SPECC1: variants seen among roughly 807,000 people sequenced by gnomAD.
The protein encoded by SPECC1 is cytospin-B.
A neutral mutation model predicts 104.1 loss-of-function variants in SPECC1; 62 were observed. The ratio of observed to expected loss-of-function variants is 0.60; its 90% confidence interval spans 0.49 to 0.74. SPECC1 has a LOEUF of 0.74. Ranked by LOEUF, SPECC1 falls within the 30% of genes least tolerant of loss-of-function variation. The pLI is 0.00. For synonymous variants in SPECC1, 513 were observed against 501.6 expected (o/e 1.02, Z -0.30); for missense variants, 1,306 against 1,310.5 (o/e 1.00, Z 0.05).
chr17:20,206,770 C>G (rs1437190514), intron 4 of SPECC1, among the ~76,000 whole-genome samples: 1 of 152,208 alleles, frequency 6.6e-6, no homozygotes, highest in Non-Finnish European at 1.5e-5. Flanking sequence ...TCAACACATT[C>G]AGCCAGATTG....
chr17:20,283,223 G>C (rs2040834134), intron 12 of SPECC1, among the ~76,000 whole-genome samples: 1 of 152,124 alleles, frequency 6.6e-6, no homozygotes, highest in African/African-American at 2.4e-5. Context: ...GCAATAATAT[G>C]AACAGGAGCA....
intron 12 of SPECC1, among the ~76,000 whole-genome samples, chr17:20,285,707 C>G (rs761849816): frequency 6.6e-6 from 1 of 152,008 alleles, no homozygotes; most frequent in Non-Finnish European, 1.5e-5. Context: ...CACACTCTAG[C>G]CCCTTAAGAC....
intron 11 of SPECC1, 123 bp downstream of exon 11, chr17:20,257,730 A>G: frequency 7.7e-7 from 1 of 1,302,870 alleles, no homozygotes; most frequent in Non-Finnish European, 1.1e-6. Context: ...AAAATGACTA[A>G]GACACTGTGC....
intron 3 of SPECC1, among the ~76,000 whole-genome samples, chr17:20,110,807 G>A (rs1259894308): frequency 1.3e-5 from 2 of 152,072 alleles, no homozygotes; most frequent in African/African-American, 4.8e-5. Flanking sequence ...CCCTTCGGAG[G>A]TCCATTTGTC....
chr17:20,098,970 C>G (rs1275596863), intron 2 of SPECC1, among the ~76,000 whole-genome samples: 3 of 152,140 alleles, frequency 2.0e-5, no homozygotes, highest in African/African-American at 2.4e-5. Context: ...TTCTGGCGGT[C>G]TGATGGAACA....
intron 3 of SPECC1, chr17:20,156,162 G>A (rs780767220): frequency 6.1e-5 from 88 of 1,435,744 alleles, no homozygotes; most frequent in Non-Finnish European, 6.9e-5. Flanking sequence ...CCGGTCCGAG[G>A]CCGGCAAGCC....
intron 3 of SPECC1, among the ~76,000 whole-genome samples, chr17:20,137,722 G>A (rs1387120129): frequency 6.6e-6 from 1 of 152,022 alleles, no homozygotes; most frequent in Non-Finnish European, 1.5e-5. Context: ...CTGGAGTGCA[G>A]TGGCACAATC....
intron 1 of SPECC1, among the ~76,000 whole-genome samples, chr17:20,084,886 G>A (rs902889880): frequency 1.3e-5 from 2 of 152,102 alleles, no homozygotes; most frequent in African/African-American, 4.8e-5. Context: ...GGTGGGGGTG[G>A]GAGTCACACA....
At chr17:20,295,859 A>G (rs1275886258) in intron 12 of SPECC1, among the ~76,000 whole-genome samples, 1 of 151,944 alleles carries the variant, frequency 6.6e-6, no homozygotes, top group Non-Finnish European at 1.5e-5. Flanking sequence ...CCACTTTTTG[A>G]TGGGGTTGTT....
chr17:20,197,992 A>G (rs1210414142), intron 3 of SPECC1, among the ~76,000 whole-genome samples: 1 of 152,234 alleles, frequency 6.6e-6, no homozygotes, highest in Non-Finnish European at 1.5e-5. Context: ...CTGACTGGCA[A>G]GAAATTCTTA....
At chr17:20,133,873 T>C (rs1482260710) in intron 3 of SPECC1, among the ~76,000 whole-genome samples, 1 of 152,166 alleles carries the variant, frequency 6.6e-6, no homozygotes, top group African/African-American at 2.4e-5. Context: ...TGGGCAGTGG[T>C]ACAACTCACA....
chr17:20,219,405 C>T (rs1465315053), intron 4 of SPECC1, among the ~76,000 whole-genome samples: 2 of 152,044 alleles, frequency 1.3e-5, no homozygotes, highest in South Asian at 4.2e-4. Context: ...TTTTGACTTG[C>T]ATTTGCATTT....
At chr17:20,191,503 T>C (rs2035667571) in intron 3 of SPECC1, among the ~76,000 whole-genome samples, 1 of 151,560 alleles carries the variant, frequency 6.6e-6, no homozygotes, top group Admixed American at 6.6e-5. Context: ...TTTTTTTTTT[T>C]TTTAATTATA....
chr17:20,116,699 A>G (rs184607017), intron 3 of SPECC1, among the ~76,000 whole-genome samples: 1 of 151,866 alleles, frequency 6.6e-6, no homozygotes, highest in Non-Finnish European at 1.5e-5. Flanking sequence ...GGGAGTGGAA[A>G]CCTGAATAAA....
At chr17:20,295,766 G>A (rs142781167) in intron 12 of SPECC1, among the ~76,000 whole-genome samples, 5,826 of 152,228 alleles carry the variant, frequency 0.038, 366 homozygotes, top group African/African-American at 0.13. Flanking sequence ...TTCTCTGATG[G>A]CCAGTGATGA....
intron 4 of SPECC1, among the ~76,000 whole-genome samples, chr17:20,221,439 T>TATTATATGCCAATAA (rs1231582657): frequency 1.3e-5 from 2 of 152,226 alleles, no homozygotes; most frequent in Non-Finnish European, 1.5e-5. Flanking sequence ...TTTTCCAATT[T>TATTATATGCCAATAA]ATTGGCATAT....
intron 12 of SPECC1, among the ~76,000 whole-genome samples, chr17:20,262,446 C>T (rs1283303337): frequency 6.6e-6 from 1 of 152,120 alleles, no homozygotes; most frequent in African/African-American, 2.4e-5. Flanking sequence ...TCTCTGCATT[C>T]ACATCAACAC....
intron 1 of SPECC1, among the ~76,000 whole-genome samples, chr17:20,053,337 A>G (rs1378415006): frequency 6.6e-6 from 1 of 152,178 alleles, no homozygotes; most frequent in East Asian, 1.9e-4. Context: ...TGCCTGTTGG[A>G]CATTTGAATG....
intron 3 of SPECC1, among the ~76,000 whole-genome samples, chr17:20,116,111 G>A (rs930032967): frequency 3.3e-5 from 5 of 151,728 alleles, no homozygotes; most frequent in African/African-American, 1.2e-4. Context: ...TTTTTGAGAT[G>A]GAGTCTCGGT....
Sources: gnomAD v4.1 joint callset for allele counts (sites outside exome capture counted in the v4.1 genomes callset) on GRCh38, gnomAD v4.1.1 for gene constraint, MANE v1.5 for transcripts, NCBI Gene and HGNC (gene_info 2026-07-23, HGNC 2026-07-21) for gene names.